Variants in PALMD observed in about 807,000 individuals in gnomAD.
PALMD encodes the protein paralemmin-like protein.
Under a neutral mutation model 56.2 loss-of-function variants are expected in PALMD, and 42 were observed. The observed-to-expected ratio is 0.75, with a 90% CI of 0.58 to 0.97. The LOEUF is 0.97. Among genes scored for constraint, PALMD ranks in the 50% least tolerant of loss-of-function variants. The pLI is 0.00. For missense variants in PALMD, 660 were observed against 643.8 expected (o/e 1.03, Z -0.27); for synonymous variants, 242 against 222.9 (o/e 1.09, Z -0.76).
intron 1 of PALMD, 82 bp from the exon 2 acceptor site, chr1:99,662,237 A>G: frequency 1.3e-6 from 1 of 745,546 alleles, no homozygotes; most frequent in Non-Finnish European, 2.3e-6. Flanking sequence ...GTAACGGGCC[A>G]TTCAGATAGT....
At chr1:99,655,730 A>G (rs1282869493) in intron 1 of PALMD, among the ~76,000 whole-genome samples, 2 of 152,192 alleles carry the variant, frequency 1.3e-5, no homozygotes, top group African/African-American at 2.4e-5. Flanking sequence ...TCTGTCTTCA[A>G]TGCTGTATTT....
chr1:99,693,953 A>C, intron 7 of PALMD, 66 bp from the exon 8 acceptor site: 125 of 984,486 alleles, frequency 1.3e-4, no homozygotes, highest in Non-Finnish European at 1.8e-4. Context: ...CATTCTATGA[A>C]TGGCCATTTA....
intron 2 of PALMD, among the ~76,000 whole-genome samples, chr1:99,665,283 T>C (rs906847087): frequency 1.3e-5 from 2 of 152,188 alleles, no homozygotes; most frequent in Admixed American, 1.3e-4. Flanking sequence ...TTAGTTCATA[T>C]GGCTTTCAAT....
chr1:99,676,783 TA>T (rs71708491), intron 3 of PALMD, among the ~76,000 whole-genome samples: 12,394 of 151,352 alleles, frequency 0.082, 674 homozygotes, highest in Admixed American at 0.17. Flanking sequence ...CTTTAAAAAG[TA>T]AAAAAAGAAA....
At chr1:99,667,440 T>C (rs534015899) in intron 2 of PALMD, 152 of 550,636 alleles carry the variant, frequency 2.8e-4, no homozygotes, top group Non-Finnish European at 4.2e-4. Flanking sequence ...AAATGGGATT[T>C]AGATGCATAA....
intron 1 of PALMD, among the ~76,000 whole-genome samples, chr1:99,650,084 T>A (rs1043478241): frequency 4.6e-5 from 7 of 151,804 alleles, no homozygotes; most frequent in African/African-American, 1.7e-4. Flanking sequence ...AATAGAGTGG[T>A]CAGGATGGGG....
chr1:99,666,478 T>C (rs1652961632), intron 2 of PALMD, among the ~76,000 whole-genome samples: 1 of 152,048 alleles, frequency 6.6e-6, no homozygotes, highest in South Asian at 2.1e-4. Context: ...GTGGTATTTA[T>C]TCTAGCATCC....
chr1:99,646,210 T>A lies in PALMD; in HGVS notation c.-108T>A, dbSNP rs1270000805. On this transcript the variant is annotated 5_prime_UTR_variant, in exon 1 of 8. Coordinates refer to ENST00000263174, the MANE Select transcript of PALMD (RefSeq NM_017734.5). ...TTTCTCCACTGGTGCAAAGAGCGGA[T>A]TTCTCCCTGCTTCTCTTCTGTCACC... The A allele has an allele frequency of 1.0e-5, 9 of 862,988 alleles. No individual in the cohort carries two copies. In the African/African-American group the frequency reaches 1.5e-4, roughly 14 times the overall value. 53.5% of individuals were successfully genotyped at this position (862,988 alleles called of 1,614,324 possible). A position where few individuals can be genotyped will look rare whatever the true frequency, so the allele number is the denominator to read the frequency against.
intron 7 of PALMD, among the ~76,000 whole-genome samples, chr1:99,692,484 G>A (rs1450052086): frequency 1.3e-5 from 2 of 152,230 alleles, no homozygotes; most frequent in East Asian, 3.9e-4. Flanking sequence ...GCTAAACCAA[G>A]CCTTCTATTG....
chr1:99,685,463 C>T (rs74500015), intron 3 of PALMD: 2 of 152,308 alleles, frequency 1.3e-5, no homozygotes, highest in East Asian at 3.9e-4. Flanking sequence ...CTCCATTTCA[C>T]TTAGAGGTCT....
intron 3 of PALMD, among the ~76,000 whole-genome samples, chr1:99,672,679 C>T (rs1330327133): frequency 6.6e-6 from 1 of 152,156 alleles, no homozygotes; most frequent in Non-Finnish European, 1.5e-5. Flanking sequence ...CGGCCAGACA[C>T]TCTACTTCTT....
At position 99,646,216 on chromosome 1, in the gene PALMD, C is replaced by A. The variant is rs1193293860; in HGVS notation, c.-102C>A. The A allele has an allele frequency of 4.4e-6, 4 of 899,826 alleles. No homozygotes were observed. The highest frequency in any genetic ancestry group is 1.7e-5 in the African/African-American group (1 of 60,462). 55.7% of individuals were successfully genotyped at this position (899,826 alleles called of 1,614,324 possible). Reference sequence around the variant, plus strand: ...CACTGGTGCAAAGAGCGGATTTCTCCCTGCTTCTCTTCTGTCACCCCCGCT... The same window carrying A: ...CACTGGTGCAAAGAGCGGATTTCTCACTGCTTCTCTTCTGTCACCCCCGCT... On this transcript the variant is annotated 5_prime_UTR_variant, in exon 1 of 8. Transcript: ENST00000263174.
intron 3 of PALMD, among the ~76,000 whole-genome samples, chr1:99,673,149 A>T (rs1653122908): frequency 6.6e-6 from 1 of 152,226 alleles, no homozygotes; most frequent in Admixed American, 6.5e-5. Context: ...AATTTACTCA[A>T]TTAACTAAAA....
chr1:99,674,365 G>C (rs1653158017), intron 3 of PALMD, among the ~76,000 whole-genome samples: 1 of 152,052 alleles, frequency 6.6e-6, no homozygotes, highest in Non-Finnish European at 1.5e-5. Context: ...ACTATTCTGA[G>C]AATGACAATT....
chr1:99,674,655 C>A (rs961738465), intron 3 of PALMD, among the ~76,000 whole-genome samples: 8 of 151,930 alleles, frequency 5.3e-5, no homozygotes, highest in African/African-American at 1.9e-4. Context: ...CTTAACTTTT[C>A]AAAATGCATT....
chr1:99,671,557 T>C (rs370268926), intron 3 of PALMD, among the ~76,000 whole-genome samples: 1 of 152,222 alleles, frequency 6.6e-6, no homozygotes, highest in Non-Finnish European at 1.5e-5. Context: ...CCAGGTATTT[T>C]TATTTTTTGG....
At chr1:99,662,748 T>C (rs1228924018) in intron 2 of PALMD, among the ~76,000 whole-genome samples, 2 of 152,168 alleles carry the variant, frequency 1.3e-5, no homozygotes, top group East Asian at 1.9e-4. Context: ...GAAGTGCCTT[T>C]TGAAATCAAT....
At position 99,675,240 on chromosome 1, in the gene PALMD, G is replaced by A. The variant is rs140236337; in HGVS notation, c.251+7474G>A. Among the ~76,000 whole-genome samples, 4 of 152,270 alleles carry A rather than the reference G, an allele frequency of 2.6e-5. No homozygotes were observed. The East Asian group carries it at 7.7e-4, about 29-fold the overall frequency. ...GTGACTGCTGTATAATATAGTCAGG[G>A]ATAAATGTTAAGGGTTACCAAGGCA... On this transcript the variant is annotated intron_variant, in intron 3 of 7. Transcript: ENST00000263174.
At chr1:99,652,020 G>T (rs1007309338) in intron 1 of PALMD, among the ~76,000 whole-genome samples, 1 of 152,186 alleles carries the variant, frequency 6.6e-6, no homozygotes, top group Non-Finnish European at 1.5e-5. Context: ...AGAATTGTGA[G>T]ATTTCTAACA....
Sources: gnomAD v4.1 joint callset for allele counts (sites outside exome capture counted in the v4.1 genomes callset) on GRCh38, gnomAD v4.1.1 for gene constraint, MANE v1.5 for transcripts, NCBI Gene and HGNC (gene_info 2026-07-23, HGNC 2026-07-21) for gene names.